FGF14: variants seen among roughly 807,000 people sequenced by gnomAD.
FGF14 encodes the protein fibroblast growth factor 14, also known as fibroblast growth factor homologous factor 4.
Under a neutral mutation model 25.5 loss-of-function variants are expected in FGF14, and 5 were observed. The ratio of observed to expected loss-of-function variants is 0.20; its 90% confidence interval spans 0.10 to 0.41. FGF14 has a LOEUF of 0.41. Among genes scored for constraint, FGF14 ranks in the 10% least tolerant of loss-of-function variants. The probability of loss-of-function intolerance (pLI) is 1.00; values close to 1 mark genes in which losing one functional copy is unlikely to be tolerated. For synonymous variants in FGF14, 138 were observed against 118.3 expected (o/e 1.17, Z -1.08); for missense variants, 222 against 320.1 (o/e 0.69, Z 2.34).
chr13:102,196,330 A>G (rs544312006), intron 1 of FGF14, among the ~76,000 whole-genome samples: 2 of 152,312 alleles, frequency 1.3e-5, no homozygotes, highest in South Asian at 4.1e-4. Flanking sequence ...TTTTCCCAGA[A>G]GAGCTGACAG....
intron 1 of FGF14, among the ~76,000 whole-genome samples, chr13:101,950,753 T>TTTG (rs2036112816): frequency 1.7e-5 from 1 of 60,268 alleles, no homozygotes; most frequent in Non-Finnish European, 2.5e-5. Flanking sequence ...CTAATCATGT[T>TTTG]TTTTTTTTTT....
At chr13:101,999,185 T>C (rs2039347004) in intron 1 of FGF14, among the ~76,000 whole-genome samples, 1 of 152,208 alleles carries the variant, frequency 6.6e-6, no homozygotes, top group African/African-American at 2.4e-5. Context: ...TAAAGAAGAA[T>C]GTGCATTTTT....
intron 1 of FGF14, among the ~76,000 whole-genome samples, chr13:101,971,498 G>A (rs1408299644): frequency 3.3e-5 from 5 of 151,992 alleles, no homozygotes; most frequent in African/African-American, 1.2e-4. Context: ...ACCTTCCTGA[G>A]TAGCTGGGAC....
intron 1 of FGF14, among the ~76,000 whole-genome samples, chr13:102,189,494 G>T (rs992771269): frequency 1.3e-5 from 2 of 152,110 alleles, no homozygotes; most frequent in Non-Finnish European, 2.9e-5. Context: ...CTTGAAAGAG[G>T]TATTATGGAG....
Position 101,722,663 on chromosome 13 carries a change from C to T in FGF14, c.*168G>A. ...AGGTGTCTTCTTGTTGTGGGGGGTGCAACAGGTTGAGATTTATCCACTTGC... is the reference window on the plus strand; with the variant it reads ...AGGTGTCTTCTTGTTGTGGGGGGTGTAACAGGTTGAGATTTATCCACTTGC... On this transcript the variant is annotated 3_prime_UTR_variant, in exon 5 of 5. Transcript: ENST00000376143. The T allele has an allele frequency of 1.2e-6, 1 of 857,388 alleles. No individual in the cohort carries two copies. The highest frequency in any genetic ancestry group is 1.6e-5 in the South Asian group (1 of 62,038). 53.1% of individuals were successfully genotyped at this position (857,388 alleles called of 1,614,324 possible).
chr13:102,029,769 C>A (rs2041118282), intron 1 of FGF14, among the ~76,000 whole-genome samples: 1 of 152,108 alleles, frequency 6.6e-6, no homozygotes, highest in South Asian at 2.1e-4. Context: ...AAAATGGAAA[C>A]AGAACTGATG....
At chr13:102,347,996 T>A (rs1034376600) in intron 1 of FGF14, among the ~76,000 whole-genome samples, 5 of 151,400 alleles carry the variant, frequency 3.3e-5, no homozygotes, top group Non-Finnish European at 7.4e-5. Context: ...CTAAGTAAGA[T>A]TTTCTGGGTA....
At chr13:102,025,566 G>A (rs577660651) in intron 1 of FGF14, among the ~76,000 whole-genome samples, 2 of 151,936 alleles carry the variant, frequency 1.3e-5, no homozygotes, top group African/African-American at 4.8e-5. Flanking sequence ...GTGCCACCAT[G>A]CCTGAGTAAT....
At chr13:101,976,631 C>T (rs1175888096) in intron 1 of FGF14, among the ~76,000 whole-genome samples, 2 of 152,194 alleles carry the variant, frequency 1.3e-5, no homozygotes, top group South Asian at 2.1e-4. Context: ...TCTATCTGCA[C>T]AACTTCTTAA....
intron 3 of FGF14, among the ~76,000 whole-genome samples, chr13:101,781,852 T>C (rs1024349969): frequency 6.6e-6 from 1 of 152,218 alleles, no homozygotes; most frequent in African/African-American, 2.4e-5. Context: ...TGGGATAAGA[T>C]AAATAATTAA....
chr13:102,266,051 A>G (rs1242623663), intron 1 of FGF14, among the ~76,000 whole-genome samples: 2 of 152,130 alleles, frequency 1.3e-5, no homozygotes, highest in African/African-American at 4.8e-5. Context: ...GCAAAATACC[A>G]ATACAAAATG....
chr13:101,966,254 C>T (rs2037188107), intron 1 of FGF14, among the ~76,000 whole-genome samples: 1 of 152,098 alleles, frequency 6.6e-6, no homozygotes, highest in African/African-American at 2.4e-5. Context: ...AATTTAGACA[C>T]AGAGAAAACA....
intron 1 of FGF14, among the ~76,000 whole-genome samples, chr13:102,147,920 ACTT>A (rs2046919861): frequency 6.6e-6 from 1 of 152,172 alleles, no homozygotes; most frequent in Non-Finnish European, 1.5e-5. Flanking sequence ...CATTTAGAGA[ACTT>A]CTTATGCACA....
intron 1 of FGF14, among the ~76,000 whole-genome samples, chr13:102,139,795 G>A (rs189535591): frequency 6.6e-6 from 1 of 152,260 alleles, no homozygotes; most frequent in East Asian, 1.9e-4. Flanking sequence ...GCAGCTTGAT[G>A]CTGCAGGCTG....
intron 1 of FGF14, among the ~76,000 whole-genome samples, chr13:102,040,349 G>A (rs1345040701): frequency 3.3e-5 from 5 of 151,940 alleles, no homozygotes; most frequent in Non-Finnish European, 7.4e-5. Flanking sequence ...TACATCTCCA[G>A]GTATACAATA....
intron 3 of FGF14, among the ~76,000 whole-genome samples, chr13:101,834,532 T>C (rs567459193): frequency 2.0e-5 from 3 of 152,192 alleles, no homozygotes; most frequent in Non-Finnish European, 4.4e-5. Context: ...AGGTAGTATG[T>C]GTTATTATTT....
intron 3 of FGF14, among the ~76,000 whole-genome samples, chr13:101,863,733 T>C (rs1472007109): frequency 2.0e-5 from 3 of 152,278 alleles, no homozygotes; most frequent in Admixed American, 6.5e-5. Flanking sequence ...TGTATTTCTA[T>C]ACCCTAAACT....
intron 1 of FGF14, among the ~76,000 whole-genome samples, chr13:102,082,733 T>A (rs1335269466): frequency 1.3e-5 from 2 of 151,908 alleles, no homozygotes; most frequent in African/African-American, 4.8e-5. Flanking sequence ...GGCGGGCGGA[T>A]CACGAGGTCA....
At chr13:101,969,027 C>A (rs1430776621) in intron 1 of FGF14, among the ~76,000 whole-genome samples, 1 of 152,050 alleles carries the variant, frequency 6.6e-6, no homozygotes, top group Admixed American at 6.6e-5. Context: ...GAAGCTAGCA[C>A]AGAACTCACT....
Sources: gnomAD v4.1 joint callset for allele counts (sites outside exome capture counted in the v4.1 genomes callset) on GRCh38, gnomAD v4.1.1 for gene constraint, MANE v1.5 for transcripts, NCBI Gene and HGNC (gene_info 2026-07-23, HGNC 2026-07-21) for gene names.